Variants in KMT2E observed in about 807,000 individuals in gnomAD.
The protein encoded by KMT2E is lysine methyltransferase 2E (inactive).
A neutral mutation model predicts 184.6 loss-of-function variants in KMT2E; 30 were observed. The ratio of observed to expected loss-of-function variants is 0.16; its 90% confidence interval spans 0.12 to 0.22. The LOEUF is 0.22. Among genes scored for constraint, KMT2E ranks in the 10% least tolerant of loss-of-function variants. The pLI, the probability that KMT2E is intolerant of heterozygous loss-of-function variation, is 1.00. For missense variants in KMT2E, 2,023 were observed against 2,237.4 expected, an observed-to-expected ratio of 0.90 and a Z score of 1.93; for synonymous variants, 815 against 776.5, an observed-to-expected ratio of 1.05 and a Z score of -0.82.
rs151063020 is a variant in KMT2E at position 105,064,209 on chromosome 7, T to C, written c.416+629T>C. ...TTTTTTTTTGACTGGGGGGAAGGATTTGGGGAGGATGAAGAGGGAACAGTA... is the reference window on the plus strand; with the variant it reads ...TTTTTTTTTGACTGGGGGGAAGGATCTGGGGAGGATGAAGAGGGAACAGTA... On this transcript the variant is annotated intron_variant, in intron 5 of 26. Coordinates refer to ENST00000311117, the MANE Select transcript of KMT2E (RefSeq NM_182931.3). 2.8e-3 allele frequency: 811 copies of C among 294,786 alleles called. 6 individuals are homozygous for C. The highest frequency in any genetic ancestry group is 3.1e-3 in the Non-Finnish European group (485 of 156,378). The allele number at this position is 294,786 out of a possible 1,614,324, so 18.3% of individuals were successfully genotyped here.
intron 3 of KMT2E, among the ~76,000 whole-genome samples, chr7:105,054,952 T>A (rs1161694068): frequency 3.9e-5 from 6 of 152,190 alleles, no homozygotes; most frequent in African/African-American, 1.4e-4. Flanking sequence ...AGAATTAGAT[T>A]GAGCAGAGGA....
At chr7:105,093,802 G>A (rs1798302850) in intron 15 of KMT2E, among the ~76,000 whole-genome samples, 1 of 152,142 alleles carries the variant, frequency 6.6e-6, no homozygotes, top group South Asian at 2.1e-4. Flanking sequence ...TTATTAGTAT[G>A]CTATAGTAAG....
chr7:105,110,166 T>C, intron 23 of KMT2E, 114 bp from the exon 24 acceptor site: 1 of 831,120 alleles, frequency 1.2e-6, no homozygotes. Context: ...AACACCAAAG[T>C]ATTTTCCCAG....
chr7:105,081,664 A>G (rs1797768386), intron 12 of KMT2E, 24 bp from the exon 13 acceptor site: 2 of 1,078,392 alleles, frequency 1.9e-6, no homozygotes, highest in African/African-American at 1.6e-5. Context: ...ATTTATGGTA[A>G]TGTACAATTA....
intron 3 of KMT2E, among the ~76,000 whole-genome samples, chr7:105,050,624 TTCTTTTCTTTTC>T (rs1283927733): frequency 2.1e-5 from 3 of 142,412 alleles, no homozygotes; most frequent in Admixed American, 7.1e-5. Context: ...TTTTTTCCTT[TTCTTTTCTTTTC>T]TCTTTTCTTT....
At chr7:105,046,211 T>A (rs112909490) in intron 3 of KMT2E, among the ~76,000 whole-genome samples, 119 of 152,328 alleles carry the variant, frequency 7.8e-4, no homozygotes, top group African/African-American at 2.6e-3. Context: ...AAAGCCGTCT[T>A]ATTCATATAT....
intron 17 of KMT2E, chr7:105,102,654 C>T (rs1324927816): frequency 2.0e-5 from 3 of 153,830 alleles, no homozygotes; most frequent in African/African-American, 4.8e-5. Context: ...ACACTACTGT[C>T]AGACTTAAGC....
chr7:105,056,029 A>G (rs1482622853), intron 3 of KMT2E, among the ~76,000 whole-genome samples: 1 of 152,170 alleles, frequency 6.6e-6, no homozygotes, highest in Non-Finnish European at 1.5e-5. Flanking sequence ...CCTTGAAGGC[A>G]GAGACAGTGT....
intron 25 of KMT2E, 49 bp downstream of exon 25, chr7:105,110,651 C>G: frequency 6.2e-7 from 1 of 1,610,746 alleles, no homozygotes; most frequent in Non-Finnish European, 8.5e-7. Context: ...ATTTTAAAAT[C>G]AGACAAGAGA....
At chr7:105,057,421 T>G (rs1453708143) in intron 3 of KMT2E, among the ~76,000 whole-genome samples, 1 of 152,194 alleles carries the variant, frequency 6.6e-6, no homozygotes, top group East Asian at 1.9e-4. Context: ...CAATCTTGTT[T>G]CATCTGTCTT....
chr7:105,064,164 G>GTTTTTT (rs66946883), intron 5 of KMT2E: 766 of 76,096 alleles, frequency 0.01, 52 homozygotes, highest in East Asian at 0.023. Context: ...TTTTTTCTTG[G>GTTTTTT]TTTTTTTTTT....
chr7:105,104,696 G>C (rs1257730661), intron 17 of KMT2E: 1 of 151,928 alleles, frequency 6.6e-6, no homozygotes, highest in East Asian at 1.9e-4. Context: ...CTCAAAAAAA[G>C]TACTGTGCAC....
At chr7:105,057,101 ACT>A (rs1052316315) in intron 3 of KMT2E, among the ~76,000 whole-genome samples, 2 of 152,170 alleles carry the variant, frequency 1.3e-5, no homozygotes, top group Non-Finnish European at 2.9e-5. Flanking sequence ...TCAAGAAAGG[ACT>A]CTTAAGAATA....
intron 13 of KMT2E, among the ~76,000 whole-genome samples, chr7:105,082,739 C>T (rs1307106040): frequency 6.6e-6 from 1 of 152,126 alleles, no homozygotes; most frequent in Non-Finnish European, 1.5e-5. Flanking sequence ...TCTCATTTCT[C>T]TAAAAATGTT....
chr7:105,109,085 C>T lies in KMT2E; in HGVS notation c.3612C>T (p.Asp1204=). ...GTGATGGCTGTGCCAGCAGTAATGA[C>T]AATGGGGAGCAGGTGGACCACACTG... ...NNGDGCASSN[D]NGEQVDHTAS... is the part of the protein sequence containing the mutation. The change falls in exon 23 of 27, where the codon GAC becomes GAT. Residue 1204 remains aspartate (D), a synonymous_variant. Coordinates refer to ENST00000311117, the MANE Select transcript of KMT2E (RefSeq NM_182931.3). 1 of 1,614,154 alleles carries T rather than the reference C, an allele frequency of 6.2e-7. No homozygotes were observed. The highest frequency in any genetic ancestry group is 8.5e-7 in the Non-Finnish European group (1 of 1,180,008).
chr7:105,108,712 A>C, intron 22 of KMT2E: 1 of 501,226 alleles, frequency 2.0e-6, no homozygotes, highest in African/African-American at 1.9e-5. Flanking sequence ...TAATATACCT[A>C]TTTCATAGGG....
At chr7:105,030,705 C>T (rs1042030759) in intron 1 of KMT2E, among the ~76,000 whole-genome samples, 25 of 152,138 alleles carry the variant, frequency 1.6e-4, no homozygotes, top group African/African-American at 6.0e-4. Flanking sequence ...ATGAGAATCT[C>T]TAGGGTAAGG....
chr7:105,095,103 T>G (rs1798351151), intron 15 of KMT2E, among the ~76,000 whole-genome samples: 1 of 152,218 alleles, frequency 6.6e-6, no homozygotes, highest in South Asian at 2.1e-4. Context: ...TGGCTTCATT[T>G]TTTTAAATGA....
At chr7:105,074,020 A>C (rs925817684) in intron 7 of KMT2E, among the ~76,000 whole-genome samples, 8 of 152,228 alleles carry the variant, frequency 5.3e-5, no homozygotes. Flanking sequence ...TATCATGTAG[A>C]ATAGTACATC....
Sources: gnomAD v4.1 joint callset for allele counts (sites outside exome capture counted in the v4.1 genomes callset) on GRCh38, gnomAD v4.1.1 for gene constraint, MANE v1.5 for transcripts, NCBI Gene and HGNC (gene_info 2026-07-23, HGNC 2026-07-21) for gene names.